RBFOX3: variants seen among roughly 807,000 people sequenced by gnomAD.
RBFOX3 encodes RNA binding protein fox-1 homolog 3.
A neutral mutation model predicts 48.7 loss-of-function variants in RBFOX3; 17 were observed. The observed-to-expected ratio is 0.35, with a 90% CI of 0.24 to 0.52. The LOEUF is 0.52. RBFOX3 is among the 20% of genes least tolerant of loss of function. The pLI is 0.94. For synonymous variants in RBFOX3, 212 were observed against 209.5 expected (o/e 1.01, Z -0.10); for missense variants, 382 against 497.5 (o/e 0.77, Z 2.21).
At chr17:79,290,315 G>A (rs1194694752) in intron 3 of RBFOX3, among the ~76,000 whole-genome samples, 1 of 152,168 alleles carries the variant, frequency 6.6e-6, no homozygotes, top group East Asian at 1.9e-4. Context: ...GCAGGCTCTG[G>A]GGTGAGCCAG....
At chr17:79,142,530 C>T (rs1439665762) in intron 4 of RBFOX3, among the ~76,000 whole-genome samples, 1 of 152,126 alleles carries the variant, frequency 6.6e-6, no homozygotes, top group Non-Finnish European at 1.5e-5. Context: ...CAGATCTGCC[C>T]CTACTGGGGC....
At chr17:79,596,180 T>C (rs2093564412) in intron 1 of RBFOX3, among the ~76,000 whole-genome samples, 1 of 152,240 alleles carries the variant, frequency 6.6e-6, no homozygotes, top group Non-Finnish European at 1.5e-5. Flanking sequence ...CAGCTGACTC[T>C]GGTTCTGGGA....
At chr17:79,179,620 G>T (rs1364384125) in intron 4 of RBFOX3, among the ~76,000 whole-genome samples, 1 of 151,692 alleles carries the variant, frequency 6.6e-6, no homozygotes, top group East Asian at 1.9e-4. Context: ...GATGGAATAA[G>T]ATTCTCTTTT....
chr17:79,612,133 G>A (rs1339035663), upstream of RBFOX3, among the ~76,000 whole-genome samples: 9 of 152,274 alleles, frequency 5.9e-5, no homozygotes, highest in South Asian at 2.1e-4. Context: ...AGGTCTGGAC[G>A]GTCCCAAACA....
intron 4 of RBFOX3, among the ~76,000 whole-genome samples, chr17:79,170,684 C>T (rs957772093): frequency 6.6e-6 from 1 of 152,164 alleles, no homozygotes; most frequent in African/African-American, 2.4e-5. Context: ...CCTGTTCCGG[C>T]CGCCCCTGGT....
At chr17:79,653,256 G>A in the RBFOX3 span, among the ~76,000 whole-genome samples, 1 of 152,066 alleles carries the variant, frequency 6.6e-6, no homozygotes. Flanking sequence ...TGAGAGCCCT[G>A]CAGCTGCCTT....
At chr17:79,276,194 A>G (rs552720024) in intron 3 of RBFOX3, among the ~76,000 whole-genome samples, 13 of 152,330 alleles carry the variant, frequency 8.5e-5, no homozygotes, top group Admixed American at 3.9e-4. Context: ...AGAGCAGAGG[A>G]CTGTCCCCCA....
At chr17:79,134,437 C>T (rs912667849) in intron 4 of RBFOX3, among the ~76,000 whole-genome samples, 1 of 152,166 alleles carries the variant, frequency 6.6e-6, no homozygotes, top group African/African-American at 2.4e-5. Flanking sequence ...GTACAGAACC[C>T]CTGGGTGCTC....
At chr17:79,248,842 C>T (rs1015433681) in intron 3 of RBFOX3, among the ~76,000 whole-genome samples, 1 of 152,234 alleles carries the variant, frequency 6.6e-6, no homozygotes, top group Non-Finnish European at 1.5e-5. Context: ...AGCATCCAGC[C>T]TCACTTACCA....
intron 9 of RBFOX3, chr17:79,097,956 G>C: frequency 1.7e-6 from 1 of 590,022 alleles, no homozygotes; most frequent in Non-Finnish European, 3.1e-6. Context: ...CTGCCTGGGG[G>C]TCTGCTAGGA....
chr17:79,374,063 A>C (rs1598425177), intron 2 of RBFOX3, among the ~76,000 whole-genome samples: 1 of 152,082 alleles, frequency 6.6e-6, no homozygotes, highest in Admixed American at 6.5e-5. Context: ...GGGTTTCGCC[A>C]TGTTGGCCAG....
intron 4 of RBFOX3, among the ~76,000 whole-genome samples, chr17:79,149,147 G>A (rs554043334): frequency 1.1e-4 from 16 of 152,320 alleles, no homozygotes; most frequent in Admixed American, 5.2e-4. Context: ...TGGGACCCCC[G>A]CTGCCTGCCA....
intron 4 of RBFOX3, among the ~76,000 whole-genome samples, chr17:79,134,780 G>A (rs1178061350): frequency 6.6e-6 from 1 of 152,192 alleles, no homozygotes; most frequent in Non-Finnish European, 1.5e-5. Context: ...GACGCCACTC[G>A]GAACATCAGG....
chr17:79,526,403 T>G (rs2086801311), intron 1 of RBFOX3, among the ~76,000 whole-genome samples: 2 of 152,252 alleles, frequency 1.3e-5, no homozygotes, highest in African/African-American at 4.8e-5. Context: ...ATAGTCATCA[T>G]GCATTTTGTC....
chr17:79,656,830 A>AG, the RBFOX3 span, among the ~76,000 whole-genome samples: 2 of 140,674 alleles, frequency 1.4e-5, no homozygotes, highest in African/African-American at 5.6e-5. Flanking sequence ...AGAAAGAAAG[A>AG]AAAGAAAGAA....
At chr17:79,653,416 T>C in the RBFOX3 span, among the ~76,000 whole-genome samples, 1 of 152,166 alleles carries the variant, frequency 6.6e-6, no homozygotes, top group Admixed American at 6.5e-5. Flanking sequence ...CATTATTAAC[T>C]CCAGGATAAA....
At chr17:79,331,869 C>A (rs891194611) in intron 2 of RBFOX3, among the ~76,000 whole-genome samples, 1 of 152,350 alleles carries the variant, frequency 6.6e-6, no homozygotes, top group Non-Finnish European at 1.5e-5. Flanking sequence ...CCTGGAAGCA[C>A]GGAGGGTCCC....
At chr17:79,602,883 A>G (rs1413360729) in intron 1 of RBFOX3, among the ~76,000 whole-genome samples, 1 of 151,948 alleles carries the variant, frequency 6.6e-6, no homozygotes, top group East Asian at 1.9e-4. Flanking sequence ...CCCTCATGGG[A>G]AATCCAACTG....
At chr17:79,466,281 A>G (rs1334963312) in intron 2 of RBFOX3, among the ~76,000 whole-genome samples, 3 of 152,188 alleles carry the variant, frequency 2.0e-5, no homozygotes, top group Non-Finnish European at 2.9e-5. Context: ...TGAGCATCAC[A>G]AAGCCACAGG....
Sources: allele counts gnomAD v4.1 joint callset (sites outside exome capture counted in the v4.1 genomes callset), GRCh38; gene constraint gnomAD v4.1.1; transcripts MANE v1.5; gene names NCBI Gene and HGNC (gene_info 2026-07-23, HGNC 2026-07-21).